The following RRBP1 variants were observed in gnomAD, a reference collection of about 807,000 sequenced individuals.
The protein encoded by RRBP1 is ribosome binding protein 1.
In RRBP1, 94 loss-of-function variants were observed where a neutral mutation model predicts 165.2. The observed-to-expected ratio is 0.57, with a 90% CI of 0.48 to 0.68. The LOEUF (loss-of-function observed/expected upper bound fraction) is 0.68, where lower values mean the gene tolerates loss of function less well. Ranked by LOEUF, RRBP1 falls within the 30% of genes least tolerant of loss-of-function variation. The pLI, the probability that RRBP1 is intolerant of heterozygous loss-of-function variation, is 0.00. For missense variants in RRBP1, 1,676 were observed against 1,763.0 expected, an observed-to-expected ratio of 0.95 and a Z score of 0.88; for synonymous variants, 680 against 714.5, an observed-to-expected ratio of 0.95 and a Z score of 0.77.
chr20:17,623,613 A>G (rs957161020), intron 13 of RRBP1, among the ~76,000 whole-genome samples: 1 of 152,138 alleles, frequency 6.6e-6, no homozygotes, highest in East Asian at 1.9e-4. Flanking sequence ...CGCTGCAAAC[A>G]ATGTCCTCCC....
intron 3 of RRBP1, among the ~76,000 whole-genome samples, chr20:17,650,287 T>C (rs2036531738): frequency 1.3e-5 from 2 of 152,194 alleles, no homozygotes; most frequent in Non-Finnish European, 2.9e-5. Context: ...TCTGACAACG[T>C]GGCAAGAATG....
At chr20:17,655,024 A>G in intron 3 of RRBP1, among the ~76,000 whole-genome samples, 1 of 152,212 alleles carries the variant, frequency 6.6e-6, no homozygotes, top group Non-Finnish European at 1.5e-5. Context: ...TCTGAAGGGC[A>G]TTATATCAGG....
intron 23 of RRBP1, 36 bp downstream of exon 23, chr20:17,615,395 C>A (rs2035779034): frequency 6.5e-7 from 1 of 1,533,082 alleles, no homozygotes; most frequent in Non-Finnish European, 8.9e-7. Context: ...CAGAGCAGAC[C>A]CTCCAGGTGT....
At chr20:17,641,067 C>T (rs2036347835) in intron 5 of RRBP1, among the ~76,000 whole-genome samples, 1 of 152,174 alleles carries the variant, frequency 6.6e-6, no homozygotes, top group Non-Finnish European at 1.5e-5. Context: ...GCCAGGGGGC[C>T]CCTCACCCTG....
chr20:17,645,243 T>C (rs981113043), intron 3 of RRBP1, among the ~76,000 whole-genome samples: 2 of 152,198 alleles, frequency 1.3e-5, no homozygotes, highest in African/African-American at 2.4e-5. Flanking sequence ...AGGGGCAGCA[T>C]GGCCACATGC....
At chr20:17,666,697 GAGTCTGTGCAAT>G (rs1226473251) in intron 2 of RRBP1, among the ~76,000 whole-genome samples, 1 of 152,240 alleles carries the variant, frequency 6.6e-6, no homozygotes, top group East Asian at 1.9e-4. Context: ...GTGCTGAGCA[GAGTCTGTGCAAT>G]AAGCTGCCTT....
intron 2 of RRBP1, among the ~76,000 whole-genome samples, chr20:17,665,733 T>A (rs2036856845): frequency 6.6e-6 from 1 of 152,206 alleles, no homozygotes; most frequent in South Asian, 2.1e-4. Flanking sequence ...ATCTCCTTTA[T>A]ACCCCTGAAG....
chr20:17,620,241 G>A (rs951691947), intron 18 of RRBP1, 58 bp downstream of exon 18: 14 of 1,298,356 alleles, frequency 1.1e-5, no homozygotes, highest in East Asian at 2.3e-5. Context: ...CTGCATTAAC[G>A]TCACTTTCAA....
chr20:17,614,105 T>G lies in RRBP1; in HGVS notation c.*77A>C. ...TTGGGCCTGGATAACGCTGTGTAGG[T>G]TGGTTGGTTTATTTGTAAGGAATGT... On this transcript the variant is annotated 3_prime_UTR_variant, in exon 25 of 25. Coordinates refer to ENST00000377813, the MANE Select transcript of RRBP1 (RefSeq NM_001365613.2). The G allele has an allele frequency of 1.8e-5, 25 of 1,408,240 alleles. No homozygotes were observed. Among genetic ancestry groups the G allele is most frequent in the South Asian group, 2.3e-5 (2 of 86,856 alleles). The allele number at this position is 1,408,240 out of a possible 1,614,324, so 87.2% of individuals were successfully genotyped here. A position where few individuals can be genotyped will look rare whatever the true frequency, so the allele number is the denominator to read the frequency against.
intron 5 of RRBP1, among the ~76,000 whole-genome samples, chr20:17,640,873 G>C (rs912388849): frequency 8.5e-5 from 13 of 152,246 alleles, no homozygotes; most frequent in Non-Finnish European, 1.9e-4. Flanking sequence ...TGCTCGAGCA[G>C]ACAAAGGCAC....
intron 2 of RRBP1, among the ~76,000 whole-genome samples, chr20:17,677,384 G>T (rs890988474): frequency 2.6e-5 from 4 of 152,154 alleles, no homozygotes; most frequent in Non-Finnish European, 5.9e-5. Flanking sequence ...CCTCCTTTCT[G>T]ACCAGAAAGA....
At chr20:17,657,936 A>T (rs2036674670) in intron 3 of RRBP1, among the ~76,000 whole-genome samples, 1 of 152,224 alleles carries the variant, frequency 6.6e-6, no homozygotes, top group African/African-American at 2.4e-5. Flanking sequence ...AGGCTGCACA[A>T]AAGCATCAGG....
intron 8 of RRBP1, among the ~76,000 whole-genome samples, chr20:17,630,770 T>G (rs1568762257): frequency 2.6e-5 from 4 of 152,228 alleles, no homozygotes; most frequent in African/African-American, 9.6e-5. Context: ...TGATTATTCA[T>G]TAACAAGCTT....
At position 17,620,711 on chromosome 20, in the gene RRBP1, A is replaced by AT; in HGVS notation, c.3507+3dup. On this transcript the variant is annotated splice_donor_region_variant and intron_variant, in intron 17 of 24. Transcript: ENST00000377813. Reference sequence around the variant, plus strand: ...CGCCGGGAGGCAGGCAGGGCTGCATATACCTTCTGGAGCTCCTCCTCTGCG... The same window carrying AT: ...CGCCGGGAGGCAGGCAGGGCTGCATATTACCTTCTGGAGCTCCTCCTCTGCG... 1 of 1,601,200 alleles carries AT rather than the reference A, an allele frequency of 6.2e-7. No individual in the cohort carries two copies. Among genetic ancestry groups the AT allele is most frequent in the South Asian group, 1.1e-5 (1 of 90,932 alleles).
chr20:17,671,557 A>G (rs2036979991), intron 2 of RRBP1, among the ~76,000 whole-genome samples: 1 of 152,168 alleles, frequency 6.6e-6, no homozygotes, highest in African/African-American at 2.4e-5. Flanking sequence ...TCCACTTCTC[A>G]GAATGTGCCC....
At chr20:17,635,056 A>C (rs1437905719) in intron 7 of RRBP1, among the ~76,000 whole-genome samples, 2 of 152,106 alleles carry the variant, frequency 1.3e-5, no homozygotes, top group Non-Finnish European at 2.9e-5. Context: ...GAAAGCAAAG[A>C]AATGTACAAC....
rs182695966 is a variant in RRBP1 at position 17,665,495 on chromosome 20, C to A, written c.-21-4967G>T. Among the ~76,000 whole-genome samples the A allele has an allele frequency of 1.1e-4, 16 of 152,276 alleles. No homozygotes were observed. In the East Asian group the frequency reaches 3.1e-3, roughly 29 times the overall value. ...CAAGCCATTCTTGTGCCTCAGGCTC[C>A]CGAGTAGCTGGGATTACAGGCGTGT... On this transcript the variant is annotated intron_variant, in intron 2 of 24. Transcript: ENST00000377813.
chr20:17,641,699 G>T, intron 5 of RRBP1, 98 bp downstream of exon 5: 1 of 1,443,190 alleles, frequency 6.9e-7, no homozygotes, highest in Non-Finnish European at 9.6e-7. Context: ...TTCCAGGCAG[G>T]CCCCAGCATC....
In RRBP1 at chr20:17,636,801, G is replaced by C. The variant is rs1447313868; in HGVS notation, c.2185-72C>G. On this transcript the variant is annotated intron_variant, in intron 5 of 24. Coordinates refer to ENST00000377813, the MANE Select transcript of RRBP1 (RefSeq NM_001365613.2). ...AGGAGCCTATCAGAAGGGAGCAAGA[G>C]CATCACCCGAGCTGGGAGGCTGGAG... The C allele has an allele frequency of 1.1e-5, 17 of 1,578,276 alleles. No homozygotes were observed. In the Middle Eastern group the frequency reaches 1.1e-3, roughly 100 times the overall value.
Sources: gnomAD v4.1 joint callset for allele counts (sites outside exome capture counted in the v4.1 genomes callset) on GRCh38, gnomAD v4.1.1 for gene constraint, MANE v1.5 for transcripts, NCBI Gene and HGNC (gene_info 2026-07-23, HGNC 2026-07-21) for gene names.